The following FBXL17 variants were observed in gnomAD, a reference collection of about 807,000 sequenced individuals.
The protein encoded by FBXL17 is F-box and leucine rich repeat protein 17, also known as F-box/LRR-repeat protein 17.
In FBXL17, 22 loss-of-function variants were observed where a neutral mutation model predicts 66.2. That is an observed-to-expected ratio of 0.33 (90% confidence interval 0.24 to 0.47). The LOEUF (loss-of-function observed/expected upper bound fraction) is 0.47. Among genes scored for constraint, FBXL17 ranks in the 20% least tolerant of loss-of-function variants. FBXL17 has a pLI of 1.00. For missense variants in FBXL17, 878 were observed against 948.2 expected, an observed-to-expected ratio of 0.93 and a Z score of 0.97; for synonymous variants, 474 against 400.5, an observed-to-expected ratio of 1.18 and a Z score of -2.19.
intron 6 of FBXL17, among the ~76,000 whole-genome samples, chr5:108,134,414 A>G (rs34411): frequency 0.65 from 99,179 of 152,012 alleles, 33,400 homozygotes; most frequent in East Asian, 0.92. Context: ...GTTTTCTTAA[A>G]CCGGGGACAT....
chr5:107,968,341 C>T (rs1019658151), intron 7 of FBXL17, among the ~76,000 whole-genome samples: 1 of 151,638 alleles, frequency 6.6e-6, no homozygotes, highest in Non-Finnish European at 1.5e-5. Context: ...CCTGAAAATT[C>T]AAAAAAAGAA....
chr5:107,884,773 T>C (rs1050399157), intron 7 of FBXL17, among the ~76,000 whole-genome samples: 1 of 152,176 alleles, frequency 6.6e-6, no homozygotes, highest in African/African-American at 2.4e-5. Context: ...ATGGGGAGGT[T>C]GATTATTTGT....
intron 7 of FBXL17, among the ~76,000 whole-genome samples, chr5:107,973,969 A>G (rs565457505): frequency 1.3e-5 from 2 of 152,312 alleles, no homozygotes; most frequent in South Asian, 4.1e-4. Context: ...TAACAATTCC[A>G]TCCGTTGCTT....
chr5:108,129,888 T>A (rs186243245), intron 6 of FBXL17, among the ~76,000 whole-genome samples: 4 of 151,816 alleles, frequency 2.6e-5, no homozygotes, highest in Non-Finnish European at 5.9e-5. Context: ...GTTCTTTTTT[T>A]AATCTAAATA....
Position 108,381,205 on chromosome 5 carries a change from T to C in FBXL17, c.487A>G (p.Ser163Gly). The C allele has an allele frequency of 6.9e-7, 1 of 1,443,292 alleles. No individual in the cohort carries two copies. Among genetic ancestry groups the C allele is most frequent in the Non-Finnish European group, 9.1e-7 (1 of 1,099,696 alleles). 89.4% of individuals were successfully genotyped at this position (1,443,292 alleles called of 1,614,324 possible). Residue 163 changes from serine (S) to glycine (G), a missense_variant, in exon 1 of 9, where the codon AGC becomes GGC. Physicochemically the swap from Ser to Gly is moderately conservative, Grantham distance 56. Around this residue, in one of 4 missense-constraint regions of FBXL17, gnomAD observed 605 missense variants for 509.5 expected, o/e 1.19. Transcript: ENST00000542267. ...EQQGRSLFLA[S>G]LGPVRFLGPP... ...CCCAGGAAGCGCACCGGCCCCAAGCTGGCCAGGAAGAGACTTCGGCCCTGC... is the reference window on the plus strand; with the variant it reads ...CCCAGGAAGCGCACCGGCCCCAAGCCGGCCAGGAAGAGACTTCGGCCCTGC...
In FBXL17 at chr5:108,120,294, T is replaced by C. The variant is rs373273731; in HGVS notation, c.1745+65823A>G. Among the ~76,000 whole-genome samples the C allele has an allele frequency of 3.9e-5, 6 of 152,228 alleles. No homozygotes were observed. The East Asian group carries it at 7.7e-4, about 20-fold the overall frequency. ...AAAGTGGCTTATAAGATGGAAGTTC[T>C]GTAAATAATTCTATTGTGTTTAATC... On this transcript the variant is annotated intron_variant, in intron 6 of 8. Coordinates refer to ENST00000542267, the MANE Select transcript of FBXL17 (RefSeq NM_001163315.3).
At chr5:108,057,144 AG>A (rs766833686) in intron 6 of FBXL17, among the ~76,000 whole-genome samples, 1 of 152,222 alleles carries the variant, frequency 6.6e-6, no homozygotes, top group African/African-American at 2.4e-5. Context: ...TTAAGTAAAA[AG>A]TGTTTGATAT....
intron 4 of FBXL17, among the ~76,000 whole-genome samples, chr5:108,224,736 C>T (rs1561474649): frequency 1.3e-5 from 2 of 152,082 alleles, no homozygotes. Context: ...GGACTACAAG[C>T]ATGCATCACC....
At chr5:107,939,048 C>A (rs902000138) in intron 7 of FBXL17, among the ~76,000 whole-genome samples, 1 of 152,056 alleles carries the variant, frequency 6.6e-6, no homozygotes, top group Non-Finnish European at 1.5e-5. Flanking sequence ...AGCGCATCGT[C>A]CAAACCAACA....
chr5:107,972,338 T>C (rs962472471), intron 7 of FBXL17, among the ~76,000 whole-genome samples: 4 of 152,202 alleles, frequency 2.6e-5, no homozygotes, highest in Non-Finnish European at 5.9e-5. Context: ...GGAAGATGAC[T>C]CATATTTTAT....
At chr5:107,899,922 A>T (rs1328521313) in intron 7 of FBXL17, among the ~76,000 whole-genome samples, 3 of 152,152 alleles carry the variant, frequency 2.0e-5, no homozygotes, top group Non-Finnish European at 4.4e-5. Context: ...ATTTTAAGAA[A>T]TCTGTACTTG....
intron 2 of FBXL17, among the ~76,000 whole-genome samples, chr5:108,367,112 A>C (rs1748716791): frequency 6.6e-6 from 1 of 152,138 alleles, no homozygotes; most frequent in South Asian, 2.1e-4. Flanking sequence ...CCATGGCAGA[A>C]TTTAGAACAG....
chr5:108,098,636 T>A (rs1365932529), intron 6 of FBXL17, among the ~76,000 whole-genome samples: 2 of 151,092 alleles, frequency 1.3e-5, no homozygotes, highest in Non-Finnish European at 2.9e-5. Context: ...TCCCAGCTAC[T>A]CGGGAGGCTG....
At chr5:108,025,925 T>C (rs984491533) in intron 6 of FBXL17, among the ~76,000 whole-genome samples, 1 of 72,394 alleles carries the variant, frequency 1.4e-5, no homozygotes, top group Non-Finnish European at 4.1e-5. Context: ...GAAAGAATAA[T>C]GATATCTGAT....
chr5:108,365,043 C>T (rs748077967), intron 2 of FBXL17, 48 bp from the exon 3 acceptor site: 34 of 1,382,104 alleles, frequency 2.5e-5, no homozygotes, highest in South Asian at 2.1e-4. Flanking sequence ...AAAATAAAAA[C>T]GTATTTTCCA....
At chr5:108,077,343 G>A (rs1748591744) in intron 6 of FBXL17, among the ~76,000 whole-genome samples, 1 of 152,090 alleles carries the variant, frequency 6.6e-6, no homozygotes, top group African/African-American at 2.4e-5. Flanking sequence ...TAGAAATGGG[G>A]GGCTGGAGGA....
intron 4 of FBXL17, among the ~76,000 whole-genome samples, chr5:108,226,456 T>C (rs1011878692): frequency 6.6e-6 from 1 of 152,228 alleles, no homozygotes; most frequent in African/African-American, 2.4e-5. Flanking sequence ...ATTGTACTAG[T>C]GGCTTTATTT....
At chr5:108,322,653 TAATA>T (rs1759671926) in intron 4 of FBXL17, among the ~76,000 whole-genome samples, 1 of 151,934 alleles carries the variant, frequency 6.6e-6, no homozygotes, top group Non-Finnish European at 1.5e-5. Context: ...CTACAAATAA[TAATA>T]AATATTGACT....
rs1312736833 is a variant in FBXL17, at chr5:108,085,536, C to CA, written c.1746-64536dup. On this transcript the variant is annotated intron_variant, in intron 6 of 8. Coordinates refer to ENST00000542267, the MANE Select transcript of FBXL17 (RefSeq NM_001163315.3). ...GCCACTATTTGAACCCCATGTGGTC[C>CA]AGGCTGAGCTTATCTCCGGACTGTG... Among the ~76,000 whole-genome samples, 5 of 152,318 alleles carry CA rather than the reference C, an allele frequency of 3.3e-5. No individual in the cohort carries two copies. The East Asian group carries it at 9.6e-4, about 29-fold the overall frequency.
Sources: allele counts gnomAD v4.1 joint callset (sites outside exome capture counted in the v4.1 genomes callset), GRCh38; gene constraint gnomAD v4.1.1; regional missense constraint gnomAD v4.1.1; transcripts MANE v1.5; gene names NCBI Gene and HGNC (gene_info 2026-07-23, HGNC 2026-07-21).